NEK6: variants seen among roughly 807,000 people sequenced by gnomAD.
NEK6 encodes the protein serine/threonine-protein kinase Nek6.
A neutral mutation model predicts 43.5 loss-of-function variants in NEK6; 27 were observed. That is an observed-to-expected ratio of 0.62 (90% CI 0.46 to 0.86). The LOEUF (loss-of-function observed/expected upper bound fraction) is 0.86, where lower values mean the gene tolerates loss of function less well. Among genes scored for constraint, NEK6 ranks in the 40% least tolerant of loss-of-function variants. NEK6 has a pLI of 0.00. For synonymous variants in NEK6, 167 were observed against 164.1 expected, an observed-to-expected ratio of 1.02 and a Z score of -0.14; for missense variants, 318 against 414.4, an observed-to-expected ratio of 0.77 and a Z score of 2.02.
intron 7 of NEK6, among the ~76,000 whole-genome samples, chr9:124,330,737 A>T (rs1356869402): frequency 2.6e-5 from 4 of 152,094 alleles, no homozygotes; most frequent in African/African-American, 9.7e-5. Context: ...TTTCGAGGGG[A>T]CAGACACAGT....
intron 2 of NEK6, among the ~76,000 whole-genome samples, chr9:124,311,936 C>T (rs1165266495): frequency 6.6e-6 from 1 of 152,212 alleles, no homozygotes; most frequent in Non-Finnish European, 1.5e-5. Context: ...GAACTCCCGC[C>T]TCAGCTCCCA....
At chr9:124,282,088 T>C (rs1462815596) in intron 1 of NEK6, among the ~76,000 whole-genome samples, 1 of 152,224 alleles carries the variant, frequency 6.6e-6, no homozygotes, top group East Asian at 1.9e-4. Flanking sequence ...TATAACAAAT[T>C]ACTGCAAACT....
rs545547927 is a variant in NEK6, at chr9:124,303,828, C to T, written c.90+1774C>T. 1.5e-4 allele frequency among the ~76,000 whole-genome samples: 23 copies of T among 152,326 alleles called. No homozygotes were observed. In the East Asian group the frequency reaches 2.7e-3, roughly 18 times the overall value. On this transcript the variant is annotated intron_variant, in intron 2 of 9. Coordinates refer to ENST00000320246, the MANE Select transcript of NEK6 (RefSeq NM_014397.6). ...TAGCAATTTGTCATATTAAGTCATT[C>T]ACTAACAATTGAATCCCCCTTGATT...
In NEK6 at chr9:124,343,229, G is replaced by T. The variant is rs1028959226; in HGVS notation, c.717+3564G>T. On this transcript the variant is annotated intron_variant, in intron 8 of 9. Transcript: ENST00000320246. This position sits in a 1 kb window ranked among gnomAD's most constrained non-coding sequence, Gnocchi z 5.1. Reference sequence around the variant, plus strand: ...GCTGGGGGGGCTGGACCACAGCCGGGGGGCGGTGAGGGGACGGATCGCAGC... The same window carrying T: ...GCTGGGGGGGCTGGACCACAGCCGGTGGGCGGTGAGGGGACGGATCGCAGC... Among the ~76,000 whole-genome samples, 3 of 151,306 alleles carry T rather than the reference G, an allele frequency of 2.0e-5. No individual in the cohort carries two copies. Among genetic ancestry groups the T allele is most frequent in the East Asian group, 1.9e-4 (1 of 5,156 alleles).
chr9:124,302,934 G>A (rs540550464), intron 2 of NEK6, among the ~76,000 whole-genome samples: 1 of 152,374 alleles, frequency 6.6e-6, no homozygotes, highest in South Asian at 2.1e-4. Flanking sequence ...TTAAGGAACT[G>A]TGCATGTGTG....
At chr9:124,271,232 C>A (rs1831423121) in intron 1 of NEK6, among the ~76,000 whole-genome samples, 1 of 152,252 alleles carries the variant, frequency 6.6e-6, no homozygotes, top group Non-Finnish European at 1.5e-5. Flanking sequence ...GACTTCCGCT[C>A]CTTGAGTGAC....
chr9:124,285,170 CG>C (rs1424528912), intron 1 of NEK6, among the ~76,000 whole-genome samples: 2 of 152,192 alleles, frequency 1.3e-5, no homozygotes, highest in African/African-American at 2.4e-5. Context: ...GGTTGAACGT[CG>C]AGGCATATTT....
Position 124,310,375 on chromosome 9 carries a change from C to T in NEK6, c.91-2134C>T, listed in dbSNP as rs186717719. ...TGCTCTGTGTACAGGTGTATTTACCCGACAGACATTGGCACATGGTGGATA... is the reference window on the plus strand; with the variant it reads ...TGCTCTGTGTACAGGTGTATTTACCTGACAGACATTGGCACATGGTGGATA... On this transcript the variant is annotated intron_variant, in intron 2 of 9. Coordinates refer to ENST00000320246, the MANE Select transcript of NEK6 (RefSeq NM_014397.6). Among the ~76,000 whole-genome samples the T allele has an allele frequency of 2.0e-5, 3 of 152,324 alleles. No individual in the cohort carries two copies. The East Asian group carries it at 5.8e-4, about 29-fold the overall frequency.
intron 8 of NEK6, among the ~76,000 whole-genome samples, chr9:124,346,160 G>A (rs893755822): frequency 5.9e-5 from 9 of 152,184 alleles, no homozygotes; most frequent in Non-Finnish European, 1.5e-5. Flanking sequence ...TCCTGGTCCC[G>A]AGGGTGCTGA....
At chr9:124,268,618 G>T (rs1038432414) in intron 1 of NEK6, among the ~76,000 whole-genome samples, 2 of 152,150 alleles carry the variant, frequency 1.3e-5, no homozygotes, top group African/African-American at 4.8e-5. Flanking sequence ...TACCCAGTCA[G>T]CCACTGTTCA....
intron 1 of NEK6, among the ~76,000 whole-genome samples, chr9:124,294,171 GCCTGACCAA>G (rs1832565786): frequency 6.6e-6 from 1 of 152,196 alleles, no homozygotes; most frequent in Non-Finnish European, 1.5e-5. Flanking sequence ...TTCGAGACCA[GCCTGACCAA>G]CATGGCGAAA....
At chr9:124,314,472 AGTGGTGGTGGTG>A (rs764779237) in intron 4 of NEK6, among the ~76,000 whole-genome samples, 4 of 144,534 alleles carry the variant, frequency 2.8e-5, no homozygotes, top group South Asian at 2.3e-4. Context: ...TTTTGTTGGT[AGTGGTGGTGGTG>A]GTGGTGGTGG....
At chr9:124,307,410 T>TCTCATTGG (rs1370750528) in intron 2 of NEK6, among the ~76,000 whole-genome samples, 1 of 152,128 alleles carries the variant, frequency 6.6e-6, no homozygotes, top group African/African-American at 2.4e-5. Context: ...ACCTTGGCCA[T>TCTCATTGG]CTCATTGGCT....
chr9:124,276,833 T>A (rs1263004177), intron 1 of NEK6, among the ~76,000 whole-genome samples: 1 of 151,890 alleles, frequency 6.6e-6, no homozygotes, highest in African/African-American at 2.4e-5. Context: ...GGTGCAGAGG[T>A]GGGAAACAGC....
intron 1 of NEK6, among the ~76,000 whole-genome samples, chr9:124,285,894 T>A (rs547830449): frequency 2.0e-5 from 3 of 152,198 alleles, no homozygotes; most frequent in Admixed American, 2.0e-4. Context: ...AAGGCTGTTA[T>A]GAGGATTAAA....
At chr9:124,312,482 A>G in intron 2 of NEK6, 27 bp from the exon 3 acceptor site, 1 of 1,606,572 alleles carries the variant, frequency 6.2e-7, no homozygotes, top group Non-Finnish European at 8.5e-7. Context: ...CTGGCTGCTC[A>G]CGGAGGCCCT....
intron 4 of NEK6, among the ~76,000 whole-genome samples, chr9:124,319,247 G>A (rs1833951835): frequency 6.6e-6 from 1 of 151,738 alleles, no homozygotes; most frequent in South Asian, 2.1e-4. Context: ...GCCTCCCAAA[G>A]TGCTGGGATT....
chr9:124,261,634 T>A, intron 1 of NEK6: 1 of 955,542 alleles, frequency 1.0e-6, no homozygotes, highest in Non-Finnish European at 1.2e-6. Flanking sequence ...CTTTTTTCCC[T>A]GCTCATTTCC....
chr9:124,343,258 G>C lies in NEK6; in HGVS notation c.717+3593G>C, dbSNP rs1338380722. On this transcript the variant is annotated intron_variant, in intron 8 of 9. Transcript: ENST00000320246. This position sits in a 1 kb window ranked among gnomAD's most constrained non-coding sequence, Gnocchi z 5.1. The stretch of plus-strand genomic sequence containing the variant: ...CGGTGAGGGGACGGATCGCAGCCGG[G>C]GGGTGGTACGGGGGATGGATCGCAG... 1.3e-5 allele frequency among the ~76,000 whole-genome samples: 2 copies of C among 150,384 alleles called. No homozygotes were observed. Among genetic ancestry groups the C allele is most frequent in the East Asian group, 2.0e-4 (1 of 5,114 alleles).
Sources: gnomAD v4.1 joint callset for allele counts (sites outside exome capture counted in the v4.1 genomes callset) on GRCh38, gnomAD v4.1.1 for gene constraint, Gnocchi (gnomAD v3.1) non-coding constraint, MANE v1.5 for transcripts, NCBI Gene and HGNC (gene_info 2026-07-23, HGNC 2026-07-21) for gene names.